DGKB: variants seen among roughly 807,000 people sequenced by gnomAD.
DGKB encodes the protein 90 kDa diacylglycerol kinase.
Under a neutral mutation model 114.3 loss-of-function variants are expected in DGKB, and 67 were observed. The ratio of observed to expected loss-of-function variants is 0.59; its 90% CI spans 0.48 to 0.72. DGKB has a LOEUF of 0.72. Ranked by LOEUF, DGKB falls within the 30% of genes least tolerant of loss-of-function variation. DGKB has a pLI of 0.00. For synonymous variants in DGKB, 398 were observed against 323.1 expected, an observed-to-expected ratio of 1.23 and a Z score of -2.49; for missense variants, 907 against 975.2, an observed-to-expected ratio of 0.93 and a Z score of 0.93.
intron 1 of DGKB, among the ~76,000 whole-genome samples, chr7:14,871,962 T>C (rs1852526348): frequency 6.6e-6 from 1 of 152,162 alleles, no homozygotes; most frequent in Non-Finnish European, 1.5e-5. Context: ...GCTTCTATGA[T>C]TTATACGGCA....
At chr7:14,503,408 C>A (rs1221713223) in intron 20 of DGKB, among the ~76,000 whole-genome samples, 1 of 152,150 alleles carries the variant, frequency 6.6e-6, no homozygotes, top group African/African-American at 2.4e-5. Flanking sequence ...TTCTATAACA[C>A]TGCATGAATT....
In DGKB at chr7:14,596,950, G is replaced by A. The variant is rs1318168813; in HGVS notation, c.1433+10484C>T. On this transcript the variant is annotated intron_variant, in intron 17 of 25. Transcript: ENST00000402815. ...AAAGGCAATACAACCACATTGCTAA[G>A]ATCCTTCCTATAGTCTTGAAAGGAG... Among the ~76,000 whole-genome samples the A allele has an allele frequency of 2.0e-5, 3 of 152,278 alleles. No homozygotes were observed. The South Asian group carries it at 6.2e-4, about 32-fold the overall frequency.
At chr7:14,549,229 A>C (rs1477662600) in intron 20 of DGKB, among the ~76,000 whole-genome samples, 1 of 152,130 alleles carries the variant, frequency 6.6e-6, no homozygotes, top group Non-Finnish European at 1.5e-5. Flanking sequence ...ACTCAGAAAG[A>C]TGGTACTATT....
chr7:14,480,684 G>A (rs1782852617), intron 20 of DGKB, among the ~76,000 whole-genome samples: 1 of 152,024 alleles, frequency 6.6e-6, no homozygotes, highest in South Asian at 2.1e-4. Context: ...CTTCCTAGAA[G>A]GCACAAACTC....
At chr7:14,278,711 G>A (rs1799402209) in intron 23 of DGKB, among the ~76,000 whole-genome samples, 1 of 151,948 alleles carries the variant, frequency 6.6e-6, no homozygotes, top group Non-Finnish European at 1.5e-5. Flanking sequence ...CACAATGGAA[G>A]AAAATACCTG....
chr7:14,574,998 G>A (rs1353370455), intron 19 of DGKB, among the ~76,000 whole-genome samples: 2 of 152,048 alleles, frequency 1.3e-5, no homozygotes, highest in African/African-American at 4.8e-5. Context: ...TGCTGCTTAT[G>A]CCTGTAGTCT....
At chr7:14,358,573 A>G (rs1299394810) in intron 21 of DGKB, among the ~76,000 whole-genome samples, 4 of 152,154 alleles carry the variant, frequency 2.6e-5, no homozygotes, top group Non-Finnish European at 4.4e-5. Flanking sequence ...TCAGCCCAAA[A>G]TCTTCTTAAG....
chr7:14,683,163 G>A (rs1314472571), intron 10 of DGKB, among the ~76,000 whole-genome samples: 2 of 152,126 alleles, frequency 1.3e-5, no homozygotes, highest in Admixed American at 6.6e-5. Context: ...ATTGATGACT[G>A]CCAAATGGCT....
chr7:14,881,987 T>C (rs1206245931), intron 1 of DGKB, among the ~76,000 whole-genome samples: 1 of 152,048 alleles, frequency 6.6e-6, no homozygotes, highest in Non-Finnish European at 1.5e-5. Context: ...TTTTACTAGT[T>C]CCTTTACTAA....
At chr7:14,310,015 A>T (rs770133366) in intron 23 of DGKB, among the ~76,000 whole-genome samples, 1 of 152,210 alleles carries the variant, frequency 6.6e-6, no homozygotes, top group Non-Finnish European at 1.5e-5. Flanking sequence ...AGCTGCTAGG[A>T]TGGTACCTGG....
intron 1 of DGKB, among the ~76,000 whole-genome samples, chr7:14,891,154 G>T (rs888866118): frequency 6.6e-6 from 1 of 151,298 alleles, no homozygotes; most frequent in African/African-American, 2.4e-5. Context: ...CAGGGAATAC[G>T]TTCCAAAGCA....
At chr7:14,782,702 C>A (rs796502755) in intron 2 of DGKB, among the ~76,000 whole-genome samples, 25 of 151,988 alleles carry the variant, frequency 1.6e-4, no homozygotes, top group African/African-American at 5.6e-4. Flanking sequence ...GAAGAAGTGA[C>A]AATTCAGCAA....
At chr7:14,243,052 C>A (rs546056215) in intron 23 of DGKB, among the ~76,000 whole-genome samples, 142 of 151,522 alleles carry the variant, frequency 9.4e-4, no homozygotes, top group African/African-American at 3.2e-3. Context: ...AAAGCAAGTT[C>A]AGACATTAAA....
At chr7:14,421,968 C>T (rs1388192878) in intron 21 of DGKB, among the ~76,000 whole-genome samples, 1 of 151,960 alleles carries the variant, frequency 6.6e-6, no homozygotes, top group African/African-American at 2.4e-5. Flanking sequence ...AAATTCACTT[C>T]AGGCACTCCT....
At chr7:14,884,102 G>T (rs1007147201) in intron 1 of DGKB, among the ~76,000 whole-genome samples, 14 of 151,820 alleles carry the variant, frequency 9.2e-5, no homozygotes, top group African/African-American at 3.1e-4. Context: ...AGAGTTTGTG[G>T]GCCAATAGGT....
At chr7:14,705,510 T>A (rs748063401) in intron 6 of DGKB, among the ~76,000 whole-genome samples, 1 of 151,074 alleles carries the variant, frequency 6.6e-6, no homozygotes, top group Non-Finnish European at 1.5e-5. Context: ...AGACACATAA[T>A]TGTCAGATTC....
intron 13 of DGKB, among the ~76,000 whole-genome samples, chr7:14,632,671 G>A (rs985797546): frequency 2.0e-5 from 3 of 151,794 alleles, no homozygotes; most frequent in Non-Finnish European, 2.9e-5. Flanking sequence ...TGGGAGAGAA[G>A]TCATAGGAGT....
At chr7:14,795,823 T>C (rs931449085) in intron 2 of DGKB, among the ~76,000 whole-genome samples, 2 of 152,154 alleles carry the variant, frequency 1.3e-5, no homozygotes, top group African/African-American at 4.8e-5. Flanking sequence ...ATCTGTCAAA[T>C]TGTTACTTAA....
chr7:14,285,784 G>A (rs1398430445), intron 23 of DGKB, among the ~76,000 whole-genome samples: 2 of 152,110 alleles, frequency 1.3e-5, no homozygotes, highest in Non-Finnish European at 2.9e-5. Flanking sequence ...AAAGAACACA[G>A]TTATGAGACA....
Sources: allele counts gnomAD v4.1 joint callset (sites outside exome capture counted in the v4.1 genomes callset), GRCh38; gene constraint gnomAD v4.1.1; transcripts MANE v1.5; gene names NCBI Gene and HGNC (gene_info 2026-07-23, HGNC 2026-07-21).